ANLN: variants seen among roughly 807,000 people sequenced by gnomAD.
ANLN encodes the protein anillin.
ANLN carries 59 observed loss-of-function variants against 135.1 expected under a neutral mutation model. That is an observed-to-expected ratio of 0.44 (90% CI 0.35 to 0.54). The LOEUF (loss-of-function observed/expected upper bound fraction) is 0.54, where lower values mean the gene tolerates loss of function less well. ANLN is among the 20% of genes least tolerant of loss of function. The pLI is 0.00. For synonymous variants in ANLN, 406 were observed against 456.4 expected (o/e 0.89, Z 1.41); for missense variants, 1,182 against 1,340.0 (o/e 0.88, Z 1.84).
chr7:36,425,644 C>A, intron 17 of ANLN, 58 bp from the exon 18 acceptor site: 2 of 1,348,116 alleles, frequency 1.5e-6, no homozygotes, highest in African/African-American at 1.5e-5. Flanking sequence ...GATAGTTTTA[C>A]TTTCTGAGAC....
At chr7:36,399,924 C>T (rs182885698) in intron 3 of ANLN, among the ~76,000 whole-genome samples, 5 of 151,636 alleles carry the variant, frequency 3.3e-5, no homozygotes, top group East Asian at 1.9e-4. Flanking sequence ...AGAAGTAAAG[C>T]AACAGTTATG....
chr7:36,420,541 G>T, intron 11 of ANLN, 56 bp from the exon 12 acceptor site: 1 of 1,457,212 alleles, frequency 6.9e-7, no homozygotes, highest in Non-Finnish European at 9.6e-7. Context: ...GTTCAATAAA[G>T]GATAGTGCTC....
intron 17 of ANLN, 97 bp from the exon 18 acceptor site, chr7:36,425,605 A>G: frequency 9.9e-7 from 1 of 1,015,146 alleles, no homozygotes; most frequent in Admixed American, 2.4e-5. Flanking sequence ...AGAATTAATT[A>G]TTTTCTATGT....
In ANLN at chr7:36,410,707, A is replaced by G; in HGVS notation, c.1287+3A>G. 6 of 1,612,530 alleles carry G rather than the reference A, an allele frequency of 3.7e-6. No individual in the cohort carries two copies. Among genetic ancestry groups the G allele is most frequent in the Non-Finnish European group, 4.2e-6 (5 of 1,179,082 alleles). On this transcript the variant is annotated splice_donor_region_variant and intron_variant, in intron 6 of 23. Transcript: ENST00000265748. ...ATTTAGCACAACAGCTCAAGCAGGT[A>G]TGGTGTACTGCATTTAACATTATTC...
intron 23 of ANLN, among the ~76,000 whole-genome samples, chr7:36,451,343 C>T (rs1367556004): frequency 6.6e-6 from 1 of 152,106 alleles, no homozygotes; most frequent in African/African-American, 2.4e-5. Flanking sequence ...ACATTGAAAC[C>T]AGAATGTTTT....
At chr7:36,438,888 C>A (rs1322024478) in intron 20 of ANLN, among the ~76,000 whole-genome samples, 2 of 152,146 alleles carry the variant, frequency 1.3e-5, no homozygotes, top group Non-Finnish European at 1.5e-5. Flanking sequence ...GTTGGTTTAT[C>A]AGTCTCTTAT....
intron 7 of ANLN, among the ~76,000 whole-genome samples, chr7:36,414,390 C>A (rs3801311): frequency 0.29 from 43,650 of 151,950 alleles, 6,370 homozygotes; most frequent in East Asian, 0.43. Flanking sequence ...GGATGAACTC[C>A]GCACAGTGAA....
At position 36,407,850 on chromosome 7, in the gene ANLN, G is replaced by A. The variant is rs148370852; in HGVS notation, c.990G>A (p.Ser330=). The change falls in exon 5 of 24, where the codon TCG becomes TCA. Residue 330 remains serine, a synonymous_variant. Transcript: ENST00000265748. ...TTAGTCCTCTGAAAACGGGGGTATC[G>A]AAACCAATTGTGAAGTCAACTTTAT... ...TPISPLKTGV[S]KPIVKSTLSQ... 280 of 1,613,866 alleles carry A rather than the reference G, an allele frequency of 1.7e-4. 1 individual carries two copies. In the African/African-American group the frequency reaches 3.3e-3, roughly 19 times the overall value.
intron 1 of ANLN, among the ~76,000 whole-genome samples, chr7:36,394,970 A>G (rs1348526586): frequency 6.6e-6 from 1 of 152,202 alleles, no homozygotes; most frequent in Non-Finnish European, 1.5e-5. Context: ...TCAATTTAAA[A>G]CCATTTTATT....
At position 36,452,687 on chromosome 7, in the gene ANLN, A is replaced by G. The variant is rs11550331; in HGVS notation, c.*87A>G. 2 of 1,512,226 alleles carry G rather than the reference A, an allele frequency of 1.3e-6. No individual in the cohort carries two copies. The highest frequency in any genetic ancestry group is 1.8e-6 in the Non-Finnish European group (2 of 1,105,982). The allele number at this position is 1,512,226 out of a possible 1,614,324, so 93.7% of individuals were successfully genotyped here. On this transcript the variant is annotated 3_prime_UTR_variant, in exon 24 of 24. Coordinates refer to ENST00000265748, the MANE Select transcript of ANLN (RefSeq NM_018685.5). ...GCATCAGATTTACTGATTGCATTTT[A>G]TGCTTTAAGTACGAAAGGGTTTGTG...
chr7:36,394,615 T>C (rs777501222), intron 1 of ANLN, among the ~76,000 whole-genome samples: 1 of 151,218 alleles, frequency 6.6e-6, no homozygotes, highest in Non-Finnish European at 1.5e-5. Context: ...CAATGAACTT[T>C]AAATTAGAAA....
At chr7:36,426,784 T>C (rs1788095790) in intron 19 of ANLN, 132 bp from the exon 20 acceptor site, 1 of 478,750 alleles carries the variant, frequency 2.1e-6, no homozygotes, top group Middle Eastern at 3.5e-4. Context: ...CATTTAAAGA[T>C]GAAGGAAAAT....
chr7:36,443,890 G>A, intron 22 of ANLN, 28 bp downstream of exon 22: 3 of 1,494,344 alleles, frequency 2.0e-6, no homozygotes, highest in Non-Finnish European at 2.8e-6. Flanking sequence ...GTTTAGTGGT[G>A]AAAGCCCTGA....
intron 20 of ANLN, among the ~76,000 whole-genome samples, chr7:36,433,406 A>G (rs1406966790): frequency 1.3e-5 from 2 of 152,126 alleles, no homozygotes; most frequent in Non-Finnish European, 2.9e-5. Flanking sequence ...TTGTTAATTT[A>G]TTGTTTATGG....
intron 20 of ANLN, among the ~76,000 whole-genome samples, chr7:36,431,891 C>G (rs1050177893): frequency 2.0e-5 from 3 of 151,762 alleles, no homozygotes; most frequent in Non-Finnish European, 4.4e-5. Flanking sequence ...TTTTCCCCCC[C>G]AGAATAGGGC....
chr7:36,428,379 G>T, intron 20 of ANLN: 1 of 1,266,094 alleles, frequency 7.9e-7, no homozygotes, highest in South Asian at 1.3e-5. Context: ...TATTTTCTTT[G>T]CTTGAAATTA....
At chr7:36,417,045 T>C (rs995638953) in intron 8 of ANLN, 35 bp from the exon 9 acceptor site, 12 of 1,125,234 alleles carry the variant, frequency 1.1e-5, no homozygotes, top group Non-Finnish European at 1.4e-5. Context: ...TAGGTTCTTA[T>C]ATATATTAAT....
chr7:36,439,461 C>T (rs941700446), intron 21 of ANLN, among the ~76,000 whole-genome samples, 171 bp downstream of exon 21: 1 of 152,022 alleles, frequency 6.6e-6, no homozygotes, highest in Non-Finnish European at 1.5e-5. Context: ...TGTAAAAGAC[C>T]ACAAAAAATA....
In ANLN at chr7:36,405,647, G is replaced by C. The variant is rs1229762621; in HGVS notation, c.488-534G>C. On this transcript the variant is annotated intron_variant, in intron 3 of 23. Transcript: ENST00000265748. ...AAAAACATTTGGTTGTTTTTGATTT[G>C]ATCTAACCCTATGCTATCCAATACA... 2.0e-5 allele frequency among the ~76,000 whole-genome samples: 3 copies of C among 152,168 alleles called. No individual in the cohort carries two copies. The East Asian group carries it at 5.8e-4, about 29-fold the overall frequency.
Sources: gnomAD v4.1 joint callset for allele counts (sites outside exome capture counted in the v4.1 genomes callset) on GRCh38, gnomAD v4.1.1 for gene constraint, MANE v1.5 for transcripts, NCBI Gene and HGNC (gene_info 2026-07-23, HGNC 2026-07-21) for gene names.